TENM4: variants seen among roughly 807,000 people sequenced by gnomAD.
TENM4 encodes the protein teneurin-4.
Under a neutral mutation model 243.3 loss-of-function variants are expected in TENM4, and 82 were observed. The ratio of observed to expected loss-of-function variants is 0.34; its 90% CI spans 0.28 to 0.40. TENM4 has a LOEUF of 0.40. Ranked by LOEUF, TENM4 falls within the 10% of genes least tolerant of loss-of-function variation. TENM4 has a pLI of 1.00. For missense variants in TENM4, 3,138 were observed against 3,673.3 expected (o/e 0.85, Z 3.77); for synonymous variants, 1,412 against 1,456.3 (o/e 0.97, Z 0.69).
Position 78,676,288 on chromosome 11 carries a change from A to G in TENM4, c.5360T>C (p.Leu1787Pro). Residue 1787 changes from leucine (L) to proline (P), a missense_variant, in exon 30 of 34, where the codon CTG becomes CCG. Transcript: ENST00000278550. ...CACGGTGGGGTTGACGGTGCCAGCC[A>G]GCAAGTGGGGCTCAGTCTGCAGCGC... ...EVALQTEPHL[L>P]AGTVNPTVGK... 6.2e-7 allele frequency: 1 copy of G among 1,612,928 alleles called. No homozygotes were observed. Among genetic ancestry groups the G allele is most frequent in the Non-Finnish European group, 8.5e-7 (1 of 1,179,040 alleles).
intron 1 of TENM4, among the ~76,000 whole-genome samples, chr11:79,407,112 C>T (rs140599156): frequency 1.3e-5 from 2 of 152,204 alleles, no homozygotes; most frequent in Non-Finnish European, 2.9e-5. Flanking sequence ...ATTCATTGCT[C>T]CACGAATATG....
intron 1 of TENM4, among the ~76,000 whole-genome samples, chr11:79,423,818 G>C (rs1858991349): frequency 6.6e-6 from 1 of 152,094 alleles, no homozygotes; most frequent in Admixed American, 6.5e-5. Context: ...GGTAGAGGAA[G>C]GAGGATGAAT....
At chr11:78,996,397 T>A (rs1033281010) in intron 6 of TENM4, among the ~76,000 whole-genome samples, 1 of 152,124 alleles carries the variant, frequency 6.6e-6, no homozygotes, top group Non-Finnish European at 1.5e-5. Context: ...AACACATGAG[T>A]AAAGCCATCT....
intron 3 of TENM4, among the ~76,000 whole-genome samples, chr11:79,166,061 T>C (rs1189067165): frequency 6.6e-6 from 1 of 152,086 alleles, no homozygotes; most frequent in Non-Finnish European, 1.5e-5. Flanking sequence ...GAATAGGGAG[T>C]GTCCTTAAGG....
intron 3 of TENM4, among the ~76,000 whole-genome samples, chr11:79,210,165 G>GA (rs1668097716): frequency 6.6e-6 from 1 of 152,136 alleles, no homozygotes; most frequent in South Asian, 2.1e-4. Context: ...CTGACCCTGA[G>GA]AAAAAATGCA....
chr11:79,152,263 T>A (rs968651700), intron 3 of TENM4, among the ~76,000 whole-genome samples: 7 of 152,164 alleles, frequency 4.6e-5, no homozygotes, highest in African/African-American at 1.7e-4. Flanking sequence ...TTTGGCTACA[T>A]TCTACTTTGC....
chr11:78,953,003 G>A (rs1404217433), intron 6 of TENM4, among the ~76,000 whole-genome samples: 3 of 152,190 alleles, frequency 2.0e-5, no homozygotes, highest in Non-Finnish European at 4.4e-5. Flanking sequence ...GCTTCCCAGA[G>A]TTATTTATAG....
In TENM4 at chr11:78,879,000, G is replaced by A. The variant is rs577249270; in HGVS notation, c.1084+10785C>T. On this transcript the variant is annotated intron_variant, in intron 9 of 33. Transcript: ENST00000278550. ...AAATGTTTGCATGAAAAAATGTCCT[G>A]TGCACCATCCCATCTGGGATGTGAG... Among the ~76,000 whole-genome samples the A allele has an allele frequency of 4.6e-5, 7 of 152,216 alleles. No homozygotes were observed. The South Asian group carries it at 1.4e-3, about 32-fold the overall frequency.
At chr11:78,903,553 G>C in intron 6 of TENM4, 30 bp from the exon 7 acceptor site, 1 of 1,541,954 alleles carries the variant, frequency 6.5e-7, no homozygotes, top group Non-Finnish European at 8.7e-7. Flanking sequence ...GTCAGCGGCG[G>C]TGAGCTTGGT....
At chr11:79,004,623 C>T (rs1240806402) in intron 6 of TENM4, among the ~76,000 whole-genome samples, 2 of 152,104 alleles carry the variant, frequency 1.3e-5, no homozygotes, top group Middle Eastern at 3.4e-3. Context: ...AAGACTATAG[C>T]GCTAAACAGT....
At chr11:79,406,579 G>A (rs927427506) in intron 1 of TENM4, among the ~76,000 whole-genome samples, 1 of 152,170 alleles carries the variant, frequency 6.6e-6, no homozygotes, top group Admixed American at 6.5e-5. Flanking sequence ...ACTTAACACC[G>A]TGCTTAGGTA....
At chr11:79,037,196 T>A (rs1859411891) in intron 6 of TENM4, among the ~76,000 whole-genome samples, 3 of 152,232 alleles carry the variant, frequency 2.0e-5, no homozygotes, top group East Asian at 3.9e-4. Flanking sequence ...GCCAGCTGCC[T>A]GCTCCTCTAA....
chr11:78,799,132 C>T (rs995165401), intron 15 of TENM4, among the ~76,000 whole-genome samples: 8 of 152,158 alleles, frequency 5.3e-5, no homozygotes, highest in African/African-American at 1.7e-4. Flanking sequence ...TGGAATGGAC[C>T]TCAGGAAGCT....
intron 14 of TENM4, 68 bp from the exon 15 acceptor site, chr11:78,805,560 A>G: frequency 6.6e-7 from 1 of 1,524,898 alleles, no homozygotes; most frequent in South Asian, 1.2e-5. Context: ...CTTTAAGCAA[A>G]CTACTTAGCT....
rs535965450 is a variant in TENM4 at position 78,915,748 on chromosome 11, T to C, written c.494-12225A>G. On this transcript the variant is annotated intron_variant, in intron 6 of 33. Coordinates refer to ENST00000278550, the MANE Select transcript of TENM4 (RefSeq NM_001098816.3). ...GTCAAGGCAGGTTATCAGGTCATTT[T>C]CCAAATTCTAACCCCAATTCCATGG... Among the ~76,000 whole-genome samples the C allele has an allele frequency of 3.3e-5, 5 of 152,330 alleles. No homozygotes were observed. In the East Asian group the frequency reaches 9.7e-4, roughly 29 times the overall value.
chr11:79,121,772 T>C (rs1326298158), intron 4 of TENM4, among the ~76,000 whole-genome samples: 2 of 152,180 alleles, frequency 1.3e-5, no homozygotes, highest in African/African-American at 4.8e-5. Context: ...GGAAAGAGTT[T>C]GGAGTTTAAC....
chr11:79,158,689 C>G (rs568111853), intron 3 of TENM4, among the ~76,000 whole-genome samples: 1 of 152,312 alleles, frequency 6.6e-6, no homozygotes, highest in South Asian at 2.1e-4. Flanking sequence ...ACGCCTCAAT[C>G]AACATGTGAT....
At chr11:79,020,200 A>C (rs1424103927) in intron 6 of TENM4, among the ~76,000 whole-genome samples, 1 of 152,174 alleles carries the variant, frequency 6.6e-6, no homozygotes, top group Non-Finnish European at 1.5e-5. Context: ...AAATCAAGAG[A>C]GCCCCCTTGC....
At position 78,908,700 on chromosome 11, in the gene TENM4, C is replaced by T. The variant is rs150983124; in HGVS notation, c.494-5177G>A. On this transcript the variant is annotated intron_variant, in intron 6 of 33. Coordinates refer to ENST00000278550, the MANE Select transcript of TENM4 (RefSeq NM_001098816.3). Reference sequence around the variant, plus strand: ...CTGACACTCAGAATAAAACCAGACACATGGGCTCACCATGTATTCAAAGAT... The same window carrying T: ...CTGACACTCAGAATAAAACCAGACATATGGGCTCACCATGTATTCAAAGAT... 2.3e-3 allele frequency among the ~76,000 whole-genome samples: 348 copies of T among 152,332 alleles called. 2 individuals carry two copies. The highest frequency in any genetic ancestry group is 8.0e-3 in the African/African-American group (333 of 41,572).
Sources: allele counts gnomAD v4.1 joint callset (sites outside exome capture counted in the v4.1 genomes callset), GRCh38; gene constraint gnomAD v4.1.1; transcripts MANE v1.5; gene names NCBI Gene and HGNC (gene_info 2026-07-23, HGNC 2026-07-21).